Variants in TMEM232 observed in about 807,000 individuals in gnomAD.
The protein encoded by TMEM232 is transmembrane protein 232.
Under a neutral mutation model 78.8 loss-of-function variants are expected in TMEM232, and 80 were observed. The ratio of observed to expected loss-of-function variants is 1.01; its 90% CI spans 0.85 to 1.22. TMEM232 has a LOEUF of 1.22. Ranked by LOEUF, TMEM232 falls within the 50% of genes most tolerant of loss-of-function variation. The pLI is 0.00. For missense variants in TMEM232, 881 were observed against 742.2 expected (o/e 1.19, Z -2.17); for synonymous variants, 297 against 254.3 (o/e 1.17, Z -1.60).
intron 11 of TMEM232, among the ~76,000 whole-genome samples, chr5:110,554,669 C>CTATGGAATGAGG (rs199947784): frequency 0.039 from 5,866 of 152,016 alleles, 178 homozygotes; most frequent in African/African-American, 0.08. Context: ...TGGCCTCATT[C>CTATGGAATGAGG]TATGGAATGA....
At chr5:110,713,819 T>C (rs1580766230) in intron 1 of TMEM232, among the ~76,000 whole-genome samples, 1 of 151,530 alleles carries the variant, frequency 6.6e-6, no homozygotes, top group South Asian at 2.1e-4. Flanking sequence ...TGGCAGAGAG[T>C]TAGAAATTAT....
In TMEM232 at chr5:110,536,261, T is replaced by C. The variant is rs1325427494; in HGVS notation, c.1456-7426A>G. On this transcript the variant is annotated intron_variant, in intron 11 of 13. Transcript: ENST00000455884. Reference sequence around the variant, plus strand: ...GCCCTTGACTGCCACCACCCAGTTCTAGTAAGGGAACTGAGCCCTTTGCCT... The same window carrying C: ...GCCCTTGACTGCCACCACCCAGTTCCAGTAAGGGAACTGAGCCCTTTGCCT... 7.9e-5 allele frequency among the ~76,000 whole-genome samples: 12 copies of C among 152,356 alleles called. 1 individual carries two copies. In the East Asian group the frequency reaches 2.3e-3, roughly 29 times the overall value.
chr5:110,545,086 A>G (rs1773613007), intron 11 of TMEM232, among the ~76,000 whole-genome samples: 1 of 152,164 alleles, frequency 6.6e-6, no homozygotes, highest in Non-Finnish European at 1.5e-5. Context: ...AGATTAAACA[A>G]AAAGCATATA....
At chr5:110,409,272 T>A (rs973435690) in intron 2 of TMEM232, among the ~76,000 whole-genome samples, 14 of 152,176 alleles carry the variant, frequency 9.2e-5, no homozygotes, top group Non-Finnish European at 1.8e-4. Context: ...CATAGTATAA[T>A]CTTTTTGGAG....
rs553351433 is a variant in TMEM232, at chr5:110,560,358, A to G, written c.1455+8089T>C. ...CCAGAAATACATAAACATTTGCATC[A>G]GAAGATATTACAAAAATGCTTATAG... On this transcript the variant is annotated intron_variant, in intron 11 of 13. Coordinates refer to ENST00000455884, the MANE Select transcript of TMEM232 (RefSeq NM_001039763.4). Among the ~76,000 whole-genome samples, 4 of 152,324 alleles carry G rather than the reference A, an allele frequency of 2.6e-5. No individual in the cohort carries two copies. The South Asian group carries it at 6.2e-4, about 24-fold the overall frequency.
chr5:110,622,486 C>T (rs1337755118), intron 7 of TMEM232, among the ~76,000 whole-genome samples: 2 of 152,130 alleles, frequency 1.3e-5, no homozygotes, highest in East Asian at 3.9e-4. Flanking sequence ...ATGATGATTT[C>T]CAATTTCATC....
intron 12 of TMEM232, among the ~76,000 whole-genome samples, chr5:110,459,096 T>G (rs1460168640): frequency 6.6e-6 from 1 of 152,198 alleles, no homozygotes; most frequent in Non-Finnish European, 1.5e-5. Context: ...TATGCACATT[T>G]CTTTACCAGC....
chr5:110,585,291 T>G (rs1778684807), intron 10 of TMEM232, among the ~76,000 whole-genome samples: 1 of 152,076 alleles, frequency 6.6e-6, no homozygotes, highest in African/African-American at 2.4e-5. Context: ...TTAAAATTAT[T>G]TAGTAGGAAT....
intron 2 of TMEM232, among the ~76,000 whole-genome samples, chr5:110,648,747 T>C (rs552405395): frequency 6.6e-6 from 1 of 152,208 alleles, no homozygotes; most frequent in African/African-American, 2.4e-5. Context: ...AAACTATAAA[T>C]ACCTTATTAG....
At chr5:110,569,293 AGAGAAAGGAGAAAGACATTC>A (rs1284630867) in intron 10 of TMEM232, among the ~76,000 whole-genome samples, 5 of 151,928 alleles carry the variant, frequency 3.3e-5, no homozygotes, top group Non-Finnish European at 4.4e-5. Flanking sequence ...TATTTTCCTT[AGAGAAAGGAGAAAGACATTC>A]CTATTTACTC....
At chr5:110,703,918 TTTAGTTAACCTAA>T (rs1795672875) in intron 1 of TMEM232, among the ~76,000 whole-genome samples, 1 of 152,084 alleles carries the variant, frequency 6.6e-6, no homozygotes, top group Non-Finnish European at 1.5e-5. Flanking sequence ...TTCCATTGGT[TTTAGTTAACCTAA>T]GAGCAACTCC....
At chr5:110,708,887 A>G (rs1796200757) in intron 1 of TMEM232, among the ~76,000 whole-genome samples, 1 of 152,130 alleles carries the variant, frequency 6.6e-6, no homozygotes, top group Admixed American at 6.5e-5. Flanking sequence ...CTTTTCCACA[A>G]TAACATTGAA....
At chr5:110,668,170 TC>T (rs1201776966) in intron 1 of TMEM232, among the ~76,000 whole-genome samples, 1 of 152,100 alleles carries the variant, frequency 6.6e-6, no homozygotes, top group African/African-American at 2.4e-5. Flanking sequence ...AAAGAATTCT[TC>T]CCAAATACAT....
chr5:110,483,505 A>G (rs1230171718), intron 12 of TMEM232, among the ~76,000 whole-genome samples: 1 of 152,096 alleles, frequency 6.6e-6, no homozygotes, highest in East Asian at 1.9e-4. Context: ...AAGGACAAAA[A>G]ACCAAACACC....
intron 11 of TMEM232, among the ~76,000 whole-genome samples, chr5:110,531,329 T>C (rs886363172): frequency 3.3e-5 from 5 of 152,226 alleles, no homozygotes; most frequent in Non-Finnish European, 5.9e-5. Context: ...CGGACACACA[T>C]GAAATTTGGT....
chr5:110,696,422 T>C (rs542721365), intron 1 of TMEM232, among the ~76,000 whole-genome samples: 56 of 152,272 alleles, frequency 3.7e-4, no homozygotes, highest in African/African-American at 1.3e-3. Context: ...TCACCACTCC[T>C]ATTCAACATA....
At chr5:110,507,089 A>G (rs897714826) in intron 12 of TMEM232, among the ~76,000 whole-genome samples, 1 of 152,150 alleles carries the variant, frequency 6.6e-6, no homozygotes, top group Non-Finnish European at 1.5e-5. Flanking sequence ...GCTCATGTTT[A>G]ATAGTGATGG....
At chr5:110,549,163 A>G (rs1234855557) in intron 11 of TMEM232, among the ~76,000 whole-genome samples, 1 of 152,146 alleles carries the variant, frequency 6.6e-6, no homozygotes, top group Non-Finnish European at 1.5e-5. Context: ...TTAGAAAAGG[A>G]AAATACACAA....
intron 10 of TMEM232, among the ~76,000 whole-genome samples, chr5:110,602,245 TCATGACTAAAACAC>T (rs1781005829): frequency 1.3e-5 from 2 of 152,122 alleles, no homozygotes; most frequent in South Asian, 4.1e-4. Flanking sequence ...GGCAAAGACT[TCATGACTAAAACAC>T]CGAAAGCAAT....
Sources: allele counts gnomAD v4.1 joint callset (sites outside exome capture counted in the v4.1 genomes callset), GRCh38; gene constraint gnomAD v4.1.1; transcripts MANE v1.5; gene names NCBI Gene and HGNC (gene_info 2026-07-23, HGNC 2026-07-21).